Variants in ATP10D observed in about 807,000 individuals in gnomAD.
ATP10D encodes phospholipid-transporting ATPase VD.
A neutral mutation model predicts 144.8 loss-of-function variants in ATP10D; 89 were observed. The observed-to-expected ratio is 0.61, with a 90% CI of 0.52 to 0.73. The LOEUF (loss-of-function observed/expected upper bound fraction) is 0.73, where lower values mean the gene tolerates loss of function less well. Among genes scored for constraint, ATP10D ranks in the 30% least tolerant of loss-of-function variants. ATP10D has a pLI of 0.00. For synonymous variants in ATP10D, 571 were observed against 615.1 expected (o/e 0.93, Z 1.06); for missense variants, 1,603 against 1,714.8 (o/e 0.93, Z 1.15).
At chr4:47,490,506 G>T (rs1370105600) in intron 1 of ATP10D, among the ~76,000 whole-genome samples, 1 of 152,198 alleles carries the variant, frequency 6.6e-6, no homozygotes, top group Non-Finnish European at 1.5e-5. Flanking sequence ...TTTGAATCAG[G>T]CTAGTGCATG....
chr4:47,567,171 TG>T (rs1282602207), intron 15 of ATP10D, among the ~76,000 whole-genome samples: 2 of 152,218 alleles, frequency 1.3e-5, no homozygotes, highest in African/African-American at 4.8e-5. Flanking sequence ...TGTCACTCTA[TG>T]ACATGTAACC....
intron 15 of ATP10D, among the ~76,000 whole-genome samples, chr4:47,567,480 G>T (rs539884734): frequency 6.6e-6 from 1 of 152,268 alleles, no homozygotes; most frequent in Non-Finnish European, 1.5e-5. Context: ...GTGCCACAAA[G>T]ACTATATTTA....
At chr4:47,544,910 A>G (rs1718332899) in intron 9 of ATP10D, among the ~76,000 whole-genome samples, 2 of 152,222 alleles carry the variant, frequency 1.3e-5, no homozygotes, top group Non-Finnish European at 2.9e-5. Context: ...AACAATTCAC[A>G]TAAGGCCCCT....
rs1048839240 is a variant in ATP10D, at chr4:47,593,367, A to G, written c.*1986A>G. 1 of 152,088 alleles carries G rather than the reference A, an allele frequency of 6.6e-6. No homozygotes were observed. Among genetic ancestry groups the G allele is most frequent in the African/African-American group, 2.4e-5 (1 of 41,440 alleles). 9.4% of individuals were successfully genotyped at this position (152,088 alleles called of 1,614,324 possible). On this transcript the variant is annotated 3_prime_UTR_variant, in exon 23 of 23. Transcript: ENST00000273859. Reference sequence around the variant, plus strand: ...TAAAGCTATTTATGTACTTTGCTTAATGTAATCATTCATATACTTTGCTAC... The same window carrying G: ...TAAAGCTATTTATGTACTTTGCTTAGTGTAATCATTCATATACTTTGCTAC...
At chr4:47,491,561 G>A in intron 1 of ATP10D, 1 of 394,826 alleles carries the variant, frequency 2.5e-6, no homozygotes, top group Non-Finnish European at 4.6e-6. Context: ...GATATCTTTG[G>A]CAATTTCCCA....
intron 11 of ATP10D, among the ~76,000 whole-genome samples, chr4:47,555,923 T>G (rs1718971410): frequency 1.3e-5 from 2 of 152,030 alleles, no homozygotes; most frequent in African/African-American, 4.8e-5. Context: ...CTGGCTAATT[T>G]TTGTAGTTTT....
At position 47,563,694 on chromosome 4, in the gene ATP10D, GT is replaced by G; in HGVS notation, c.2783del (p.Val928AlafsTer3). 2 of 1,613,996 alleles carry G rather than the reference GT, an allele frequency of 1.2e-6. No homozygotes were observed. Among genetic ancestry groups the G allele is most frequent in the Middle Eastern group, 1.7e-4 (1 of 6,058 alleles). ...GACAGGGGACAAGCAGGAGACAGCT[GT>G]CAACATAGCTTATGCATGCAAACTA... ...MLTGDKQETA[V>X]NIAYACKLLE... On this transcript the variant is annotated frameshift_variant, in exon 15 of 23. Coordinates refer to ENST00000273859, the MANE Select transcript of ATP10D (RefSeq NM_020453.4). LOFTEE classifies it high-confidence loss of function.
At chr4:47,532,436 TC>T (rs1453381211) in intron 5 of ATP10D, among the ~76,000 whole-genome samples, 3 of 152,228 alleles carry the variant, frequency 2.0e-5, no homozygotes, top group Non-Finnish European at 2.9e-5. Context: ...CAAAGTGGCC[TC>T]CCTTCTGGAA....
rs769613045 is a variant in ATP10D at position 47,536,956 on chromosome 4, G to T, written c.1396+18G>T. 3.8e-6 allele frequency: 6 copies of T among 1,588,462 alleles called. No individual in the cohort carries two copies. The highest frequency in any genetic ancestry group is 5.1e-6 in the Non-Finnish European group (6 of 1,168,822). On this transcript the variant is annotated intron_variant, in intron 9 of 22. Transcript: ENST00000273859. ...AGAAAATGGTGAGTGTTGGATTTCCGTGAAAACCAACCTTAGCATTGGTCT... is the reference window on the plus strand; with the variant it reads ...AGAAAATGGTGAGTGTTGGATTTCCTTGAAAACCAACCTTAGCATTGGTCT...
chr4:47,560,842 A>C, intron 13 of ATP10D, 107 bp from the exon 14 acceptor site: 1 of 1,370,324 alleles, frequency 7.3e-7, no homozygotes, highest in Non-Finnish European at 1.0e-6. Context: ...CAGAGGGAGG[A>C]ATATGTAAAA....
At chr4:47,575,990 G>GGA (rs1223906173) in intron 18 of ATP10D, among the ~76,000 whole-genome samples, 3 of 142,290 alleles carry the variant, frequency 2.1e-5, no homozygotes, top group African/African-American at 7.9e-5. Flanking sequence ...GGAGTGCAGT[G>GGA]GCGCGATCTC....
In ATP10D at chr4:47,512,750, C is replaced by G. The variant is rs765282961; in HGVS notation, c.210C>G (p.Ala70=). ...ATGAGTATGAGAAGTTCTCCGGAGC[C>G]TATGTGAACAATCGAATACGAACAA... is the stretch of plus-strand genomic sequence containing the variant. ...FKDEYEKFSG[A]YVNNRIRTTK... is the part of the protein sequence containing the mutation. Residue 70 remains alanine, a synonymous_variant, in exon 2 of 23, where the codon GCC becomes GCG. Transcript: ENST00000273859. 2 of 1,614,162 alleles carry G rather than the reference C, an allele frequency of 1.2e-6. No individual in the cohort carries two copies. The highest frequency in any genetic ancestry group is 1.7e-6 in the Non-Finnish European group (2 of 1,179,996).
At chr4:47,522,609 G>A (rs191059703) in intron 3 of ATP10D, among the ~76,000 whole-genome samples, 250 of 152,234 alleles carry the variant, frequency 1.6e-3, no homozygotes, top group African/African-American at 5.6e-3. Context: ...CAGCTCTGTC[G>A]CCCAAGCTGG....
intron 10 of ATP10D, among the ~76,000 whole-genome samples, chr4:47,553,329 CT>C (rs1299406679): frequency 2.6e-5 from 4 of 152,178 alleles, no homozygotes; most frequent in Non-Finnish European, 4.4e-5. Flanking sequence ...TCATGAATGG[CT>C]ATGAACTCCA....
intron 1 of ATP10D, among the ~76,000 whole-genome samples, chr4:47,497,107 C>G (rs1715427648): frequency 6.6e-6 from 1 of 152,120 alleles, no homozygotes; most frequent in Non-Finnish European, 1.5e-5. Flanking sequence ...TCCCGAATTG[C>G]TGGGATTACA....
In ATP10D at chr4:47,563,561, G is replaced by T; in HGVS notation, c.2669-20G>T. 6.3e-7 allele frequency: 1 copy of T among 1,590,472 alleles called. No individual in the cohort carries two copies. The highest frequency in any genetic ancestry group is 1.2e-5 in the South Asian group (1 of 86,488). ...GCTTTGGTTTCTTACAAGTCCTATT[G>T]CACTTTGGTTATTTTTTAGGTGCTA... On this transcript the variant is annotated intron_variant, in intron 14 of 22. Coordinates refer to ENST00000273859, the MANE Select transcript of ATP10D (RefSeq NM_020453.4).
intron 1 of ATP10D, among the ~76,000 whole-genome samples, chr4:47,508,381 C>T (rs961400574): frequency 6.6e-6 from 1 of 152,172 alleles, no homozygotes; most frequent in African/African-American, 2.4e-5. Flanking sequence ...AGATTCCCAC[C>T]CTTGACTTAT....
chr4:47,570,222 G>T (rs1719878737), intron 16 of ATP10D, among the ~76,000 whole-genome samples: 1 of 152,122 alleles, frequency 6.6e-6, no homozygotes, highest in South Asian at 2.1e-4. Flanking sequence ...ATGAAAAATG[G>T]GCATGGTCTG....
intron 3 of ATP10D, 59 bp downstream of exon 3, chr4:47,515,729 A>G: frequency 7.3e-7 from 1 of 1,375,014 alleles, no homozygotes; most frequent in South Asian, 1.4e-5. Context: ...AATATGCAGA[A>G]TGTTACTTTT....
Sources: gnomAD v4.1 joint callset for allele counts (sites outside exome capture counted in the v4.1 genomes callset) on GRCh38, gnomAD v4.1.1 for gene constraint, MANE v1.5 for transcripts, NCBI Gene and HGNC (gene_info 2026-07-23, HGNC 2026-07-21) for gene names.